The following MYO1D variants were observed in gnomAD, a reference collection of about 807,000 sequenced individuals.
MYO1D encodes myosin ID.
In MYO1D, 83 loss-of-function variants were observed where a neutral mutation model predicts 122.0. The ratio of observed to expected loss-of-function variants is 0.68; its 90% CI spans 0.57 to 0.82. The LOEUF (loss-of-function observed/expected upper bound fraction) is 0.82. MYO1D is among the 40% of genes least tolerant of loss of function. The probability of loss-of-function intolerance (pLI) is 0.00; values close to 1 mark genes in which losing one functional copy is unlikely to be tolerated. For synonymous variants in MYO1D, 464 were observed against 446.9 expected (o/e 1.04, Z -0.48); for missense variants, 1,157 against 1,269.5 (o/e 0.91, Z 1.35).
intron 1 of MYO1D, among the ~76,000 whole-genome samples, chr17:32,810,652 T>C (rs548847276): frequency 4.6e-5 from 7 of 152,188 alleles, no homozygotes; most frequent in African/African-American, 1.4e-4. Context: ...AATTTTTATA[T>C]TTTTAGTAGA....
At chr17:32,569,763 G>A (rs530446264) in intron 21 of MYO1D, among the ~76,000 whole-genome samples, 3 of 152,190 alleles carry the variant, frequency 2.0e-5, no homozygotes, top group Non-Finnish European at 4.4e-5. Flanking sequence ...ATCCTGCTCC[G>A]AGAGCTTTTG....
At chr17:32,657,135 A>G (rs1421727706) in intron 17 of MYO1D, among the ~76,000 whole-genome samples, 1 of 152,270 alleles carries the variant, frequency 6.6e-6, no homozygotes, top group Non-Finnish European at 1.5e-5. Flanking sequence ...AAAAGGGGAC[A>G]AAGCCAGGCA....
In MYO1D at chr17:32,540,174, G is replaced by A. The variant is rs139084165; in HGVS notation, c.2865-45259C>T. Among the ~76,000 whole-genome samples, 127 of 151,788 alleles carry A rather than the reference G, an allele frequency of 8.4e-4. 2 individuals are homozygous for A. Among genetic ancestry groups the A allele is most frequent in the African/African-American group, 2.7e-3 (112 of 41,380 alleles). ...CAATCTGCCAACATGATGAAACCCC[G>A]TCTCCACTAAAAGTACAAATTAGCC... On this transcript the variant is annotated intron_variant, in intron 21 of 21. Transcript: ENST00000318217.
chr17:32,646,801 G>T (rs2088301092), intron 19 of MYO1D, among the ~76,000 whole-genome samples: 2 of 152,126 alleles, frequency 1.3e-5, no homozygotes, highest in African/African-American at 4.8e-5. Context: ...CTCAGAATAT[G>T]AATTGAGTGG....
intron 7 of MYO1D, among the ~76,000 whole-genome samples, chr17:32,766,568 G>T (rs917561268): frequency 6.6e-6 from 1 of 152,130 alleles, no homozygotes; most frequent in Non-Finnish European, 1.5e-5. Flanking sequence ...GGCTGAGATG[G>T]GCAGATCACG....
chr17:32,689,998 T>C (rs1283876257), intron 16 of MYO1D, among the ~76,000 whole-genome samples: 3 of 152,212 alleles, frequency 2.0e-5, no homozygotes, highest in African/African-American at 7.2e-5. Context: ...AGTGTTGGGA[T>C]TATAGGCATA....
intron 16 of MYO1D, among the ~76,000 whole-genome samples, chr17:32,669,493 C>T (rs2088680400): frequency 6.6e-6 from 1 of 152,178 alleles, no homozygotes. Context: ...TCTACCACTT[C>T]TTTAGGTTTT....
intron 21 of MYO1D, among the ~76,000 whole-genome samples, chr17:32,559,600 C>T (rs2087099702): frequency 6.6e-6 from 1 of 152,196 alleles, no homozygotes; most frequent in Non-Finnish European, 1.5e-5. Flanking sequence ...ATGTGGCAGC[C>T]CCAGAGTTGT....
At chr17:32,528,397 T>G (rs1260384374) in intron 21 of MYO1D, among the ~76,000 whole-genome samples, 2 of 151,928 alleles carry the variant, frequency 1.3e-5, no homozygotes, top group Non-Finnish European at 2.9e-5. Flanking sequence ...ACTGGGAAGT[T>G]GAAAGAAGCA....
chr17:32,829,514 C>T (rs955845426), intron 1 of MYO1D, among the ~76,000 whole-genome samples: 2 of 152,150 alleles, frequency 1.3e-5, no homozygotes, highest in African/African-American at 2.4e-5. Flanking sequence ...AGCACAGTGG[C>T]GCAATCTCAG....
intron 21 of MYO1D, among the ~76,000 whole-genome samples, chr17:32,566,144 T>A (rs2087171641): frequency 6.6e-6 from 1 of 151,910 alleles, no homozygotes; most frequent in South Asian, 2.1e-4. Flanking sequence ...GTAGACACAG[T>A]CCTCCCCTCA....
At chr17:32,835,018 AAAAC>A (rs901250367) in intron 1 of MYO1D, among the ~76,000 whole-genome samples, 10 of 152,178 alleles carry the variant, frequency 6.6e-5, no homozygotes, top group African/African-American at 2.4e-4. Context: ...TTCAAAAACA[AAAAC>A]AAACAAACAA....
chr17:32,605,298 A>C, intron 20 of MYO1D, 57 bp from the exon 21 acceptor site: 4 of 1,473,646 alleles, frequency 2.7e-6, no homozygotes, highest in Non-Finnish European at 3.7e-6. Context: ...GAATGAATTA[A>C]AAAATACATT....
At chr17:32,572,958 G>C (rs2087244874) in intron 21 of MYO1D, among the ~76,000 whole-genome samples, 1 of 151,912 alleles carries the variant, frequency 6.6e-6, no homozygotes, top group South Asian at 2.1e-4. Context: ...ACATTATCTT[G>C]TTTGTACTTT....
intron 21 of MYO1D, among the ~76,000 whole-genome samples, chr17:32,564,151 G>C (rs1046477442): frequency 1.6e-4 from 25 of 152,236 alleles, no homozygotes; most frequent in African/African-American, 5.8e-4. Context: ...TGGCCTGCAG[G>C]TGCTGGAGCC....
intron 16 of MYO1D, among the ~76,000 whole-genome samples, chr17:32,659,680 C>T (rs953445432): frequency 3.3e-5 from 5 of 152,174 alleles, no homozygotes; most frequent in African/African-American, 9.7e-5. Flanking sequence ...TGAAGGGAAG[C>T]GAGATGAGTC....
chr17:32,847,624 T>G (rs2090949988), intron 1 of MYO1D, among the ~76,000 whole-genome samples: 2 of 152,150 alleles, frequency 1.3e-5, no homozygotes, highest in Admixed American at 1.3e-4. Context: ...AAGCAATTCT[T>G]GTGCCTCAGC....
intron 21 of MYO1D, among the ~76,000 whole-genome samples, chr17:32,589,239 C>T (rs2087417361): frequency 6.6e-6 from 1 of 152,208 alleles, no homozygotes; most frequent in South Asian, 2.1e-4. Context: ...CCTGCTTCAC[C>T]TTGAGTCCTG....
intron 1 of MYO1D, among the ~76,000 whole-genome samples, chr17:32,836,504 T>A (rs2090825779): frequency 6.6e-6 from 1 of 152,214 alleles, no homozygotes; most frequent in South Asian, 2.1e-4. Flanking sequence ...ACCACTATTC[T>A]GCCTTCTATG....
Sources: gnomAD v4.1 joint callset for allele counts (sites outside exome capture counted in the v4.1 genomes callset) on GRCh38, gnomAD v4.1.1 for gene constraint, MANE v1.5 for transcripts, NCBI Gene and HGNC (gene_info 2026-07-23, HGNC 2026-07-21) for gene names.